The following SCN2A variants were observed in gnomAD, a reference collection of about 807,000 sequenced individuals.
The protein encoded by SCN2A is sodium voltage-gated channel alpha subunit 2.
A neutral mutation model predicts 188.7 loss-of-function variants in SCN2A; 20 were observed. The observed-to-expected ratio is 0.11, with a 90% CI of 0.07 to 0.15. The LOEUF (loss-of-function observed/expected upper bound fraction) is 0.15, where lower values mean the gene tolerates loss of function less well. Among genes scored for constraint, SCN2A ranks in the 10% least tolerant of loss-of-function variants. SCN2A has a pLI of 1.00. For synonymous variants in SCN2A, 804 were observed against 833.1 expected (o/e 0.97, Z 0.60); for missense variants, 1,278 against 2,445.0 (o/e 0.52, Z 10.07).
chr2:165,315,174 T>C (rs1697663273), intron 10 of SCN2A, among the ~76,000 whole-genome samples: 1 of 152,194 alleles, frequency 6.6e-6, no homozygotes, highest in Non-Finnish European at 1.5e-5. Flanking sequence ...GTTTGAATTA[T>C]AGAACATGTT....
At chr2:165,361,077 A>T (rs1459766490) in intron 17 of SCN2A, among the ~76,000 whole-genome samples, 1 of 151,926 alleles carries the variant, frequency 6.6e-6, no homozygotes, top group Admixed American at 6.6e-5. Context: ...ACACATTTTA[A>T]CTGCTTTAGT....
chr2:165,347,772 A>G (rs552910691), intron 16 of SCN2A, among the ~76,000 whole-genome samples: 14 of 152,326 alleles, frequency 9.2e-5, no homozygotes, highest in African/African-American at 2.9e-4. Flanking sequence ...GCCATGTGTC[A>G]AGTTTACAAA....
intron 6 of SCN2A, 143 bp from the exon 7 acceptor site, chr2:165,310,180 G>A: frequency 2.2e-6 from 2 of 915,076 alleles, no homozygotes; most frequent in African/African-American, 1.6e-5. Context: ...TCATGAAAAT[G>A]TTATTCAATC....
At chr2:165,340,135 A>G (rs1412445630) in intron 14 of SCN2A, among the ~76,000 whole-genome samples, 1 of 152,246 alleles carries the variant, frequency 6.6e-6, no homozygotes, top group African/African-American at 2.4e-5. Context: ...AAGTGCCAGA[A>G]TCAATAAGGA....
chr2:165,291,495 C>CTTTCTTTCT (rs1559340355), intron 1 of SCN2A, among the ~76,000 whole-genome samples: 1,970 of 43,806 alleles, frequency 0.045, 54 homozygotes, highest in African/African-American at 0.055. Context: ...TCTTTCTTTT[C>CTTTCTTTCT]TTTCTTTCTT....
At position 165,365,383 on chromosome 2, in the gene SCN2A, A is replaced by G. The variant is rs1304757919; in HGVS notation, c.3520+120A>G. On this transcript the variant is annotated intron_variant, in intron 18 of 26. Coordinates refer to ENST00000375437, the MANE Select transcript of SCN2A (RefSeq NM_001040142.2). ...ATTATCTATCTATCTGTATCTATCTATCTATCTATCTATCTAGTAATCATC... is the reference window on the plus strand; with the variant it reads ...ATTATCTATCTATCTGTATCTATCTGTCTATCTATCTATCTAGTAATCATC... 6 of 1,028,452 alleles carry G rather than the reference A, an allele frequency of 5.8e-6. No individual in the cohort carries two copies. In the African/African-American group the frequency reaches 6.5e-5, roughly 11 times the overall value. 63.7% of individuals were successfully genotyped at this position (1,028,452 alleles called of 1,614,324 possible).
chr2:165,258,230 A>ACTTTTGC, intron 1 of SCN2A, among the ~76,000 whole-genome samples: 1 of 152,220 alleles, frequency 6.6e-6, no homozygotes, highest in East Asian at 1.9e-4. Flanking sequence ...TTGTCATGAA[A>ACTTTTGC]CTTTTGCCAG....
At chr2:165,284,846 C>T (rs1339719923) in intron 1 of SCN2A, among the ~76,000 whole-genome samples, 3 of 152,162 alleles carry the variant, frequency 2.0e-5, no homozygotes, top group East Asian at 3.9e-4. Flanking sequence ...AGGTGGCCTT[C>T]CTGCTGATGA....
chr2:165,357,921 G>A (rs1026641560), intron 17 of SCN2A, among the ~76,000 whole-genome samples: 3 of 152,056 alleles, frequency 2.0e-5, no homozygotes, highest in Non-Finnish European at 2.9e-5. Flanking sequence ...TGACTGGCCT[G>A]CATGTTACTC....
intron 1 of SCN2A, among the ~76,000 whole-genome samples, chr2:165,281,341 A>G (rs545390105): frequency 2.6e-5 from 4 of 152,152 alleles, no homozygotes; most frequent in South Asian, 2.1e-4. Flanking sequence ...TCAATTTTAT[A>G]TAGCATGGTT....
chr2:165,312,742 C>T (rs944204530), intron 8 of SCN2A, among the ~76,000 whole-genome samples: 11 of 152,086 alleles, frequency 7.2e-5, no homozygotes, highest in Middle Eastern at 3.4e-3. Flanking sequence ...GGAGCTAAAT[C>T]CTAGGAAAAT....
chr2:165,359,176 A>G (rs754921087), intron 17 of SCN2A, among the ~76,000 whole-genome samples: 3 of 152,090 alleles, frequency 2.0e-5, no homozygotes, highest in Non-Finnish European at 2.9e-5. Context: ...TGCCTCATAT[A>G]TTGGAGGAAT....
chr2:165,363,575 C>T (rs1026421718), intron 17 of SCN2A, among the ~76,000 whole-genome samples: 10 of 152,020 alleles, frequency 6.6e-5, no homozygotes, highest in Admixed American at 2.6e-4. Flanking sequence ...TAGTCAATTA[C>T]GTGTATAGAA....
rs1314645792 is a variant in SCN2A at position 165,326,902 on chromosome 2, T to A, written c.2067T>A (p.His689Gln). 4 of 1,614,036 alleles carry A rather than the reference T, an allele frequency of 2.5e-6. No individual in the cohort carries two copies. In the East Asian group the frequency reaches 8.9e-5, roughly 36 times the overall value. ...EIRKRRSSSY[H>Q]VSMDLLEDPT... ...GAAAGAGACGGTCCAGTTCTTATCA[T>A]GTTTCCATGGATTTATTGGAAGATC... The change falls in exon 13 of 27, where the codon CAT (histidine) becomes CAA (glutamine). Residue 689 changes from histidine to glutamine, a missense_variant. His to Gln is a conservative substitution (Grantham distance 24, BLOSUM62 0). Coordinates refer to ENST00000375437, the MANE Select transcript of SCN2A (RefSeq NM_001040142.2).
Position 165,326,910 on chromosome 2 carries a change from T to C in SCN2A, c.2075T>C (p.Met692Thr), listed in dbSNP as rs779698884. Residue 692 changes from methionine to threonine, a missense_variant, in exon 13 of 27, where the codon ATG (methionine) becomes ACG (threonine). Met to Thr is a moderately conservative substitution (Grantham distance 81, BLOSUM62 -1). Coordinates refer to ENST00000375437, the MANE Select transcript of SCN2A (RefSeq NM_001040142.2). Reference protein sequence around the residue: ...KRRSSSYHVSMDLLEDPTSRQ... With the variant: ...KRRSSSYHVSTDLLEDPTSRQ... ...CGGTCCAGTTCTTATCATGTTTCCA[T>C]GGATTTATTGGAAGATCCTACATCA... is the stretch of plus-strand genomic sequence containing the variant. The C allele has an allele frequency of 6.2e-7, 1 of 1,614,012 alleles. No homozygotes were observed. The highest frequency in any genetic ancestry group is 8.5e-7 in the Non-Finnish European group (1 of 1,179,892).
chr2:165,354,628 C>T lies in SCN2A; in HGVS notation c.3356C>T (p.Thr1119Ile), dbSNP rs756738916. The change falls in exon 17 of 27, where the codon ACT becomes ATT. Residue 1119 changes from threonine (T) to isoleucine (I), a missense_variant. Coordinates refer to ENST00000375437, the MANE Select transcript of SCN2A (RefSeq NM_001040142.2). Reference sequence around the variant, plus strand: ...GAATCTGACTTTGAAAATTTAAATACTGAAGAATTCAGCAGCGAGTCAGAT... The same window carrying T: ...GAATCTGACTTTGAAAATTTAAATATTGAAGAATTCAGCAGCGAGTCAGAT... The part of the protein sequence containing the change: ...VGESDFENLN[T>I]EEFSSESDME... 44 of 1,613,644 alleles carry T rather than the reference C, an allele frequency of 2.7e-5. No homozygotes were observed. The highest frequency in any genetic ancestry group is 3.4e-5 in the Non-Finnish European group (40 of 1,179,914).
At chr2:165,386,557 C>A (rs1701884525) in intron 25 of SCN2A, among the ~76,000 whole-genome samples, 189 bp from the exon 26 acceptor site, 1 of 151,830 alleles carries the variant, frequency 6.6e-6, no homozygotes, top group South Asian at 2.1e-4. Flanking sequence ...GCTTTGTGAC[C>A]TAAGGCAAGT....
At chr2:165,332,023 T>A (rs1212993397) in intron 14 of SCN2A, among the ~76,000 whole-genome samples, 1 of 152,038 alleles carries the variant, frequency 6.6e-6, no homozygotes, top group Non-Finnish European at 1.5e-5. Context: ...TGTTTTTGTT[T>A]CTTCTACAGT....
At chr2:165,291,963 C>T (rs1462383679) in intron 1 of SCN2A, among the ~76,000 whole-genome samples, 1 of 152,020 alleles carries the variant, frequency 6.6e-6, no homozygotes. Flanking sequence ...CGGAGTCTTT[C>T]TTCCCACTGA....
Sources: allele counts gnomAD v4.1 joint callset (sites outside exome capture counted in the v4.1 genomes callset), GRCh38; gene constraint gnomAD v4.1.1; transcripts MANE v1.5; gene names NCBI Gene and HGNC (gene_info 2026-07-23, HGNC 2026-07-21).